Variants in MGAT4C observed in about 807,000 individuals in gnomAD.
MGAT4C encodes the protein alpha-1,3-mannosyl-glycoprotein 4-beta-N-acetylglucosaminyltransferase C.
MGAT4C carries 19 observed loss-of-function variants against 40.1 expected under a neutral mutation model. The ratio of observed to expected loss-of-function variants is 0.47; its 90% confidence interval spans 0.33 to 0.70. The LOEUF is 0.70. Among genes scored for constraint, MGAT4C ranks in the 30% least tolerant of loss-of-function variants. MGAT4C has a pLI of 0.02. For synonymous variants in MGAT4C, 181 were observed against 187.1 expected (o/e 0.97, Z 0.27); for missense variants, 491 against 563.2 (o/e 0.87, Z 1.30).
At chr12:86,137,106 T>C (rs1165735674) in intron 1 of MGAT4C, among the ~76,000 whole-genome samples, 2 of 152,198 alleles carry the variant, frequency 1.3e-5, no homozygotes, top group Non-Finnish European at 2.9e-5. Context: ...GATACCAGAA[T>C]GTCCCAGAGT....
At chr12:86,641,664 T>A (rs1963393361) in intron 2 of MGAT4C, among the ~76,000 whole-genome samples, 1 of 151,784 alleles carries the variant, frequency 6.6e-6, no homozygotes, top group Non-Finnish European at 1.5e-5. Flanking sequence ...GACTGAAGAA[T>A]TACTGCAGAG....
Position 86,798,937 on chromosome 12 carries a change from G to T in MGAT4C, c.-262+39729C>A, listed in dbSNP as rs867692606. On this transcript the variant is annotated intron_variant, in intron 1 of 7. Transcript: ENST00000548651. Reference sequence around the variant, plus strand: ...GTCTTAAAAAATAAGTTTCATTCAAGAGCAAAAGCTACTAAACTGGGGCCA... The same window carrying T: ...GTCTTAAAAAATAAGTTTCATTCAATAGCAAAAGCTACTAAACTGGGGCCA... Among the ~76,000 whole-genome samples the T allele has an allele frequency of 8.3e-4, 126 of 151,898 alleles. 1 individual carries two copies. Among genetic ancestry groups the T allele is most frequent in the African/African-American group, 3.0e-3 (123 of 41,520 alleles).
chr12:86,432,485 A>G (rs1922744), intron 3 of MGAT4C, among the ~76,000 whole-genome samples: 149,237 of 151,960 alleles, frequency 0.98, 73,297 homozygotes, highest in East Asian at 1. Context: ...AGGCAGAGGC[A>G]TATACCTGAG....
chr12:86,036,162 T>C (rs1891222515), intron 2 of MGAT4C, among the ~76,000 whole-genome samples: 1 of 150,224 alleles, frequency 6.7e-6, no homozygotes, highest in Non-Finnish European at 1.5e-5. Context: ...TAAATTACTT[T>C]AAGCAGTGTG....
intron 2 of MGAT4C, among the ~76,000 whole-genome samples, chr12:86,629,343 A>G (rs1410868351): frequency 1.3e-5 from 2 of 152,180 alleles, no homozygotes; most frequent in East Asian, 3.9e-4. Flanking sequence ...AGACAGATCA[A>G]TGAGACAGAA....
intron 1 of MGAT4C, among the ~76,000 whole-genome samples, chr12:86,081,737 G>A (rs1870873246): frequency 6.6e-6 from 1 of 152,010 alleles, no homozygotes; most frequent in Admixed American, 6.6e-5. Context: ...AAAAGAACAT[G>A]CTGATATATA....
intron 2 of MGAT4C, among the ~76,000 whole-genome samples, chr12:86,461,239 T>A (rs575343100): frequency 6.9e-6 from 1 of 144,276 alleles, no homozygotes; most frequent in East Asian, 2.0e-4. Flanking sequence ...ACATCTTCTT[T>A]TTTTTTTTTT....
At chr12:86,187,239 C>T (rs1566111382) in intron 1 of MGAT4C, among the ~76,000 whole-genome samples, 1 of 152,038 alleles carries the variant, frequency 6.6e-6, no homozygotes, top group African/African-American at 2.4e-5. Flanking sequence ...CCAATCTAGT[C>T]TAATATTTCT....
chr12:86,359,421 A>C (rs1043384394), intron 3 of MGAT4C, among the ~76,000 whole-genome samples: 1 of 152,190 alleles, frequency 6.6e-6, no homozygotes, highest in African/African-American at 2.4e-5. Context: ...AAAGAACTAG[A>C]GAAGCAAGAG....
intron 2 of MGAT4C, among the ~76,000 whole-genome samples, chr12:86,523,226 C>T (rs536510558): frequency 1.3e-4 from 20 of 152,020 alleles, no homozygotes; most frequent in African/African-American, 2.9e-4. Flanking sequence ...TGTTGGCATT[C>T]GGTGCTATAA....
intron 2 of MGAT4C, among the ~76,000 whole-genome samples, chr12:86,535,093 T>C (rs1959046783): frequency 6.6e-6 from 1 of 152,110 alleles, no homozygotes; most frequent in African/African-American, 2.4e-5. Context: ...ATACATAATT[T>C]AGAGTGAAAG....
intron 2 of MGAT4C, among the ~76,000 whole-genome samples, chr12:86,604,313 C>G (rs149169102): frequency 6.6e-6 from 1 of 152,186 alleles, no homozygotes; most frequent in East Asian, 1.9e-4. Flanking sequence ...CTAAAATTCT[C>G]AGGAAGGATG....
rs552798262 is a variant in MGAT4C, at chr12:86,057,936, G to A, written c.-56-8213C>T. Among the ~76,000 whole-genome samples the A allele has an allele frequency of 3.6e-3, 541 of 152,212 alleles. 3 individuals carry two copies. Among genetic ancestry groups the A allele is most frequent in the African/African-American group, 0.012 (518 of 41,546 alleles). ...TTTGATTTGGCAGTTGTTTCTGGAT[G>A]TCTCAAATAATATATTATTATAGAT... On this transcript the variant is annotated intron_variant, in intron 1 of 4. Transcript: ENST00000611864.
chr12:86,397,041 A>C (rs1167024608), intron 3 of MGAT4C, among the ~76,000 whole-genome samples: 1 of 122,398 alleles, frequency 8.2e-6, no homozygotes, highest in Non-Finnish European at 1.8e-5. Flanking sequence ...AGACACAGTA[A>C]ATATGAATTC....
At chr12:86,020,010 A>G (rs928485953) in intron 2 of MGAT4C, among the ~76,000 whole-genome samples, 2 of 152,148 alleles carry the variant, frequency 1.3e-5, no homozygotes, top group Non-Finnish European at 2.9e-5. Context: ...ATTGTTGTAT[A>G]AGAATGCTTG....
chr12:86,783,114 G>T (rs1433555598), intron 1 of MGAT4C, among the ~76,000 whole-genome samples: 1 of 152,090 alleles, frequency 6.6e-6, no homozygotes, highest in African/African-American at 2.4e-5. Flanking sequence ...AATTCAGAGA[G>T]CCAGAAAAGT....
In MGAT4C at chr12:85,966,994, ATGTAACAAACCTGCAAGTTGTGCACATG is replaced by A. The variant is rs1307526047; in HGVS notation, c.*12267_*12294del. On this transcript the variant is annotated 3_prime_UTR_variant, in exon 5 of 5. Transcript: ENST00000611864. ...ACACCAACATGGCACAGGTATACATATGTAACAAACCTGCAAGTTGTGCACATGTACCCTAAAACTTAAAGTATAATAA... is the reference window on the plus strand; with the variant it reads ...ACACCAACATGGCACAGGTATACATATACCCTAAAACTTAAAGTATAATAA... The A allele has an allele frequency of 6.6e-6, 1 of 152,108 alleles. No homozygotes were observed. Among genetic ancestry groups the A allele is most frequent in the Non-Finnish European group, 1.5e-5 (1 of 68,020 alleles). 9.4% of individuals were successfully genotyped at this position (152,108 alleles called of 1,614,324 possible). A position where few individuals can be genotyped will look rare whatever the true frequency, so the allele number is the denominator to read the frequency against.
At chr12:86,828,022 C>T (rs1952841367) in intron 1 of MGAT4C, among the ~76,000 whole-genome samples, 1 of 150,898 alleles carries the variant, frequency 6.6e-6, no homozygotes, top group Non-Finnish European at 1.5e-5. Context: ...TTAGGAATCT[C>T]TAAAGATAAA....
chr12:86,590,581 C>T (rs895750223), intron 2 of MGAT4C, among the ~76,000 whole-genome samples: 2 of 151,876 alleles, frequency 1.3e-5, no homozygotes, highest in African/African-American at 4.8e-5. Context: ...CATATGGCTC[C>T]CTATTTTCAA....
Sources: allele counts gnomAD v4.1 joint callset (sites outside exome capture counted in the v4.1 genomes callset), GRCh38; gene constraint gnomAD v4.1.1; transcripts MANE v1.5; gene names NCBI Gene and HGNC (gene_info 2026-07-23, HGNC 2026-07-21).